KMT2E: variants seen among roughly 807,000 people sequenced by gnomAD.
KMT2E encodes the protein lysine methyltransferase 2E (inactive), also known as histone reader KMT2E.
In KMT2E, 30 loss-of-function variants were observed where a neutral mutation model predicts 184.6. The ratio of observed to expected loss-of-function variants is 0.16; its 90% CI spans 0.12 to 0.22. The LOEUF is 0.22. Ranked by LOEUF, KMT2E falls within the 10% of genes least tolerant of loss-of-function variation. KMT2E has a pLI of 1.00. For synonymous variants in KMT2E, 815 were observed against 776.5 expected (o/e 1.05, Z -0.82); for missense variants, 2,023 against 2,237.4 (o/e 0.90, Z 1.93).
chr7:105,026,012 A>T (rs1795163044), intron 1 of KMT2E, among the ~76,000 whole-genome samples: 1 of 152,208 alleles, frequency 6.6e-6, no homozygotes, highest in South Asian at 2.1e-4. Context: ...CCAGAATTCT[A>T]GTCAGGGGAG....
intron 6 of KMT2E, among the ~76,000 whole-genome samples, chr7:105,071,306 A>C (rs985286967): frequency 4.0e-5 from 6 of 151,768 alleles, no homozygotes; most frequent in Admixed American, 1.3e-4. Context: ...GTATATATAA[A>C]ATTTTGTTAG....
At chr7:105,083,022 A>G (rs968097381) in intron 13 of KMT2E, among the ~76,000 whole-genome samples, 12 of 152,072 alleles carry the variant, frequency 7.9e-5, no homozygotes, top group Admixed American at 3.9e-4. Flanking sequence ...TGAGATCCAT[A>G]TCTGTATTCT....
In KMT2E at chr7:105,107,790, T is replaced by C. The variant is rs368131133; in HGVS notation, c.3333T>C (p.Asp1111=). ...ISESKCLMQD[D]TRGMFMETTV... ...AGTCAAAGTGCCTGATGCAGGATGA[T>C]ACTAGAGGCATGTTTATGGAAACAA... The change falls in exon 22 of 27, where the codon GAT becomes GAC. Residue 1111 remains aspartate, a synonymous_variant. Coordinates refer to ENST00000311117, the MANE Select transcript of KMT2E (RefSeq NM_182931.3). The C allele has an allele frequency of 4.3e-6, 7 of 1,614,134 alleles. No individual in the cohort carries two copies. In the South Asian group the frequency reaches 5.5e-5, roughly 13 times the overall value.
Position 105,110,587 on chromosome 7 carries a change from A to C in KMT2E, c.3955A>C (p.Ser1319Arg). 1.2e-6 allele frequency: 2 copies of C among 1,614,194 alleles called. No homozygotes were observed. The highest frequency in any genetic ancestry group is 1.7e-6 in the Non-Finnish European group (2 of 1,180,022). The change falls in exon 25 of 27, where the codon AGT (serine) becomes CGT (arginine). Residue 1319 changes from serine to arginine, a missense_variant. Ser to Arg is a moderately radical substitution (Grantham distance 110, BLOSUM62 -1). Transcript: ENST00000311117. ...AGCTAAGGGCCCAGTCCCTTCTTTC[A>C]GTGAACTTATGGAAGGTCAGTAAGC... ...LQAKGPVPSF[S>R]ELMEDPDPEN... is the part of the protein sequence containing the mutation.
chr7:105,033,522 G>A lies in KMT2E; in HGVS notation c.-188-4604G>A, dbSNP rs532035626. Among the ~76,000 whole-genome samples, 12 of 151,920 alleles carry A rather than the reference G, an allele frequency of 7.9e-5. No homozygotes were observed. In the South Asian group the frequency reaches 1.7e-3, roughly 21 times the overall value. On this transcript the variant is annotated intron_variant, in intron 1 of 26. Coordinates refer to ENST00000311117, the MANE Select transcript of KMT2E (RefSeq NM_182931.3). ...CTTTTTGTTTTTGCTTTTTTGAGAC[G>A]GAGTCTTGCTGTGTCGCCCAGTCTG...
At position 105,064,322 on chromosome 7, in the gene KMT2E, A is replaced by G. The variant is rs569721460; in HGVS notation, c.416+742A>G. Among the ~76,000 whole-genome samples, 5 of 151,866 alleles carry G rather than the reference A, an allele frequency of 3.3e-5. No individual in the cohort carries two copies. The South Asian group carries it at 8.3e-4, about 25-fold the overall frequency. ...ACGCAGTGCATTGTAGAGAGCAAGA[A>G]AGTTGGGGAGCTTTACAGAATTTCC... On this transcript the variant is annotated intron_variant, in intron 5 of 26. Transcript: ENST00000311117.
intron 1 of KMT2E, among the ~76,000 whole-genome samples, chr7:105,033,538 G>A (rs1280014382): frequency 3.3e-5 from 5 of 152,000 alleles, no homozygotes; most frequent in East Asian, 1.9e-4. Flanking sequence ...TTGCTGTGTC[G>A]CCCAGTCTGG....
Position 105,066,593 on chromosome 7 carries a change from A to G in KMT2E, c.417-134A>G, listed in dbSNP as rs924290762. 13 of 600,568 alleles carry G rather than the reference A, an allele frequency of 2.2e-5. No individual in the cohort carries two copies. In the African/African-American group the frequency reaches 2.2e-4, roughly 10 times the overall value. 37.2% of individuals were successfully genotyped at this position (600,568 alleles called of 1,614,324 possible). A position where few individuals can be genotyped will look rare whatever the true frequency, so the allele number is the denominator to read the frequency against. On this transcript the variant is annotated intron_variant, in intron 5 of 26. Coordinates refer to ENST00000311117, the MANE Select transcript of KMT2E (RefSeq NM_182931.3). ...TCGCCTTGAAGACACGTTTCTATGA[A>G]TTTCTCAGAGTACCTTTTAGGAGTA...
intron 3 of KMT2E, among the ~76,000 whole-genome samples, chr7:105,046,249 C>T (rs940259616): frequency 1.3e-5 from 2 of 152,230 alleles, no homozygotes; most frequent in Admixed American, 6.5e-5. Context: ...GACAGCAATA[C>T]ACATAAGCCA....
At chr7:105,070,563 G>A (rs963878509) in intron 6 of KMT2E, among the ~76,000 whole-genome samples, 5 of 150,262 alleles carry the variant, frequency 3.3e-5, no homozygotes, top group Non-Finnish European at 7.4e-5. Context: ...GAACCTGGGA[G>A]GCAGAGGTTG....
chr7:105,077,311 A>G lies in KMT2E; in HGVS notation c.1008A>G (p.Ile336Met), dbSNP rs771127797. ...ATTTACTCTGATTTTAGAGCCATAT[A>G]CAAAAGAATAAGAAAATTCTTAAAT... is the stretch of plus-strand genomic sequence containing the variant. ...LLFKPPVESH[I>M]QKNKKILKSA... Residue 336 changes from isoleucine to methionine, a missense_variant, in exon 11 of 27, where the codon ATA (isoleucine) becomes ATG (methionine). Coordinates refer to ENST00000311117, the MANE Select transcript of KMT2E (RefSeq NM_182931.3). 1.2e-6 allele frequency: 2 copies of G among 1,609,556 alleles called. No homozygotes were observed. The highest frequency in any genetic ancestry group is 1.7e-6 in the Non-Finnish European group (2 of 1,177,050).
chr7:105,102,318 T>G (rs986031598), intron 17 of KMT2E, 124 bp downstream of exon 17: 26 of 678,360 alleles, frequency 3.8e-5, no homozygotes, highest in Non-Finnish European at 5.0e-5. Flanking sequence ...TACTTGCAGA[T>G]TTTAAAACTA....
intron 1 of KMT2E, among the ~76,000 whole-genome samples, chr7:105,017,625 G>A (rs1276080700): frequency 6.6e-6 from 1 of 151,920 alleles, no homozygotes; most frequent in African/African-American, 2.4e-5. Flanking sequence ...CATAATTTTT[G>A]TTCCCAGAGA....
intron 15 of KMT2E, among the ~76,000 whole-genome samples, chr7:105,095,669 C>A (rs1798377110): frequency 6.6e-6 from 1 of 152,200 alleles, no homozygotes; most frequent in Admixed American, 6.5e-5. Context: ...CCTGCTTTTA[C>A]AAAAGCAAAT....
chr7:105,028,099 C>T (rs62486618), intron 1 of KMT2E, among the ~76,000 whole-genome samples: 2,542 of 151,554 alleles, frequency 0.017, 17 homozygotes, highest in Non-Finnish European at 0.024. Context: ...ACTGTGTCTA[C>T]ATATCGTACT....
At chr7:105,076,758 T>C (rs149540889) in intron 9 of KMT2E, among the ~76,000 whole-genome samples, 49 of 152,302 alleles carry the variant, frequency 3.2e-4, no homozygotes, top group African/African-American at 1.1e-3. Flanking sequence ...GGGAGCATGT[T>C]ACAGTGTATC....
In KMT2E at chr7:105,107,722, C is replaced by A; in HGVS notation, c.3265C>A (p.Pro1089Thr). The change falls in exon 22 of 27, where the codon CCC becomes ACC. Residue 1089 changes from proline to threonine, a missense_variant. Pro to Thr is a conservative substitution (Grantham distance 38, BLOSUM62 -1). Transcript: ENST00000311117. Reference protein sequence around the residue: ...SVNSNLRDLTPSHQLEVGGGF... With the variant: ...SVNSNLRDLTTSHQLEVGGGF... Reference sequence around the variant, plus strand: ...GAACTCCAACTTGAGGGACCTGACACCCTCGCATCAGTTGGAGGTTGGAGG... The same window carrying A: ...GAACTCCAACTTGAGGGACCTGACAACCTCGCATCAGTTGGAGGTTGGAGG... The A allele has an allele frequency of 6.2e-7, 1 of 1,614,092 alleles. No homozygotes were observed. Among genetic ancestry groups the A allele is most frequent in the Non-Finnish European group, 8.5e-7 (1 of 1,180,008 alleles).
chr7:105,105,811 AC>A (rs772895999), intron 18 of KMT2E, 47 bp from the exon 19 acceptor site: 2 of 1,586,988 alleles, frequency 1.3e-6, no homozygotes, highest in Non-Finnish European at 1.7e-6. Flanking sequence ...GGCTATATAA[AC>A]AGCTACAAAG....
intron 3 of KMT2E, among the ~76,000 whole-genome samples, chr7:105,052,604 G>C (rs1408475045): frequency 6.6e-6 from 1 of 151,848 alleles, no homozygotes; most frequent in Non-Finnish European, 1.5e-5. Context: ...TGTCGCCCAG[G>C]CTAGAGTGCA....
Sources: gnomAD v4.1 joint callset for allele counts (sites outside exome capture counted in the v4.1 genomes callset) on GRCh38, gnomAD v4.1.1 for gene constraint, MANE v1.5 for transcripts, NCBI Gene and HGNC (gene_info 2026-07-23, HGNC 2026-07-21) for gene names.